The following TMPRSS11B variants were observed in gnomAD, a reference collection of about 807,000 sequenced individuals.
The protein encoded by TMPRSS11B is transmembrane serine protease 11B.
TMPRSS11B carries 53 observed loss-of-function variants against 44.7 expected under a neutral mutation model. The observed-to-expected ratio is 1.19, with a 90% confidence interval of 0.95 to 1.49. The LOEUF is 1.49. Among genes scored for constraint, TMPRSS11B ranks in the 40% most tolerant of loss-of-function variants. The pLI is 0.00. For synonymous variants in TMPRSS11B, 140 were observed against 159.2 expected, an observed-to-expected ratio of 0.88 and a Z score of 0.91; for missense variants, 526 against 494.8, an observed-to-expected ratio of 1.06 and a Z score of -0.60.
In TMPRSS11B at chr4:68,236,928, A is replaced by C. The variant is rs929467441; in HGVS notation, c.125-662T>G. Among the ~76,000 whole-genome samples the C allele has an allele frequency of 1.0e-3, 154 of 148,738 alleles. 1 individual carries two copies. The highest frequency in any genetic ancestry group is 3.6e-3 in the African/African-American group (145 of 40,584). On this transcript the variant is annotated intron_variant, in intron 2 of 9. Transcript: ENST00000332644. The stretch of plus-strand genomic sequence containing the variant: ...ACACCATGGTGCCATTATTATTATT[A>C]TTATTATTATTATTATTATTATTAT...
chr4:68,244,370 A>T (rs9994398), intron 1 of TMPRSS11B, among the ~76,000 whole-genome samples: 3,104 of 152,302 alleles, frequency 0.02, 99 homozygotes, highest in African/African-American at 0.07. Flanking sequence ...CATGCCTGTA[A>T]TCCCAGCACT....
rs1166044694 is a variant in TMPRSS11B at position 68,227,687 on chromosome 4, A to T, written c.*224T>A. 1 of 191,682 alleles carries T rather than the reference A, an allele frequency of 5.2e-6. No homozygotes were observed. The highest frequency in any genetic ancestry group is 1.0e-5 in the Non-Finnish European group (1 of 98,532). 11.9% of individuals were successfully genotyped at this position (191,682 alleles called of 1,614,324 possible). On this transcript the variant is annotated 3_prime_UTR_variant, in exon 10 of 10. Transcript: ENST00000332644. The stretch of plus-strand genomic sequence containing the variant: ...CTCTCAAAGTGCTAGGATTACAGGC[A>T]TGAGCCACTACACCTGGCCTCTTCC...
chr4:68,242,362 TTATATATAATATTA>T (rs1454380531), intron 1 of TMPRSS11B, among the ~76,000 whole-genome samples: 1,309 of 23,830 alleles, frequency 0.055, 25 homozygotes, highest in Non-Finnish European at 0.093. Context: ...TAATATTATA[TTATATATAATATTA>T]TATATATAAT....
intron 8 of TMPRSS11B, 48 bp from the exon 9 acceptor site, chr4:68,228,932 G>C: frequency 6.3e-7 from 1 of 1,578,928 alleles, no homozygotes; most frequent in Non-Finnish European, 8.6e-7. Context: ...GACTTTGCTG[G>C]GACAAAGAAT....
At chr4:68,244,482 C>G (rs544842490) in intron 1 of TMPRSS11B, among the ~76,000 whole-genome samples, 1 of 152,120 alleles carries the variant, frequency 6.6e-6, no homozygotes, top group Admixed American at 6.6e-5. Context: ...AAAAATCAGC[C>G]GGGTGTGGTG....
At chr4:68,230,090 A>T (rs1218633855) in intron 7 of TMPRSS11B, among the ~76,000 whole-genome samples, 2 of 152,188 alleles carry the variant, frequency 1.3e-5, no homozygotes, top group African/African-American at 4.8e-5. Context: ...TGCAAAGGCC[A>T]TGATTTTATT....
rs1417435870 is a variant in TMPRSS11B at position 68,227,186 on chromosome 4, A to G, written c.*725T>C. 2 of 152,180 alleles carry G rather than the reference A, an allele frequency of 1.3e-5. No individual in the cohort carries two copies. 9.4% of individuals were successfully genotyped at this position (152,180 alleles called of 1,614,324 possible). A position where few individuals can be genotyped will look rare whatever the true frequency, so the allele number is the denominator to read the frequency against. On this transcript the variant is annotated 3_prime_UTR_variant, in exon 10 of 10. Coordinates refer to ENST00000332644, the MANE Select transcript of TMPRSS11B (RefSeq NM_182502.3). ...GTTAAAAAGTAATGTACACTTTCGCACTTATTCCAGTTAATAAAATGAAAT... is the reference window on the plus strand; with the variant it reads ...GTTAAAAAGTAATGTACACTTTCGCGCTTATTCCAGTTAATAAAATGAAAT...
At chr4:68,229,557 G>A in intron 7 of TMPRSS11B, 41 bp from the exon 8 acceptor site, 1 of 1,570,478 alleles carries the variant, frequency 6.4e-7, no homozygotes, top group Non-Finnish European at 8.7e-7. Context: ...CAGTTGCTGG[G>A]TCACAACACT....
At chr4:68,232,273 G>A (rs1046912616) in intron 6 of TMPRSS11B, 105 bp downstream of exon 6, 3 of 1,102,866 alleles carry the variant, frequency 2.7e-6, no homozygotes, top group African/African-American at 3.2e-5. Context: ...CGGAAAGCGT[G>A]TTATGGGATT....
At chr4:68,233,558 T>TATATATATA (rs1719579207) in intron 5 of TMPRSS11B, among the ~76,000 whole-genome samples, 1 of 152,134 alleles carries the variant, frequency 6.6e-6, no homozygotes, top group Admixed American at 6.5e-5. Context: ...ACTCTCTTTC[T>TATATATATA]GTGTCCCATA....
intron 2 of TMPRSS11B, among the ~76,000 whole-genome samples, chr4:68,238,349 G>A (rs1719730680): frequency 6.6e-6 from 1 of 152,092 alleles, no homozygotes; most frequent in African/African-American, 2.4e-5. Flanking sequence ...GAAGCTAGAG[G>A]AGCTAGTTCC....
At chr4:68,242,937 T>G (rs1719900305) in intron 1 of TMPRSS11B, among the ~76,000 whole-genome samples, 1 of 152,208 alleles carries the variant, frequency 6.6e-6, no homozygotes, top group Admixed American at 6.5e-5. Flanking sequence ...CAGTTAGTTG[T>G]TTTATCATCA....
rs1461152098 is a variant in TMPRSS11B, at chr4:68,242,329, T to TATATTATA, written c.9-526_9-525insTATAATAT. On this transcript the variant is annotated intron_variant, in intron 1 of 9. Coordinates refer to ENST00000332644, the MANE Select transcript of TMPRSS11B (RefSeq NM_182502.3). ...TATATATAATATTATATATATAATA[T>TATATTATA]TATATTATATATATATTATATATAA... 5.5e-3 allele frequency among the ~76,000 whole-genome samples: 50 copies of TATATTATA among 9,062 alleles called. 1 individual carries two copies. Among genetic ancestry groups the TATATTATA allele is most frequent in the African/African-American group, 0.013 (48 of 3,690 alleles). 5.9% of individuals were successfully genotyped at this position (9,062 alleles called of 152,430 possible).
At position 68,228,025 on chromosome 4, in the gene TMPRSS11B, C is replaced by A. The variant is rs948955356; in HGVS notation, c.1137G>T (p.Trp379Cys). 1.2e-6 allele frequency: 2 copies of A among 1,613,406 alleles called. No homozygotes were observed. Among genetic ancestry groups the A allele is most frequent in the African/African-American group, 2.7e-5 (2 of 74,844 alleles). Residue 379 changes from tryptophan (W) to cysteine (C), a missense_variant, in exon 10 of 10, where the codon TGG becomes TGT. Coordinates refer to ENST00000332644, the MANE Select transcript of TMPRSS11B (RefSeq NM_182502.3). Reference sequence around the variant, plus strand: ...CCCAGCTTACTATTCCAACAAGATGCCAGATATTTCTGGAATCAGGGTAAG... The same window carrying A: ...CCCAGCTTACTATTCCAACAAGATGACAGATATTTCTGGAATCAGGGTAAG... ...PLAYPDSRNI[W>C]HLVGIVSWGD...
intron 2 of TMPRSS11B, among the ~76,000 whole-genome samples, chr4:68,241,487 C>A (rs188996717): frequency 6.6e-6 from 1 of 151,932 alleles, no homozygotes; most frequent in Admixed American, 6.6e-5. Flanking sequence ...GCTCATACCC[C>A]CATAGTTAGT....
intron 1 of TMPRSS11B, among the ~76,000 whole-genome samples, chr4:68,242,160 G>T (rs1719841819): frequency 8.1e-6 from 1 of 123,904 alleles, no homozygotes; most frequent in Non-Finnish European, 1.6e-5. Flanking sequence ...ATCATGCACA[G>T]GGACATATAA....
At chr4:68,242,338 A>ATATTATAT (rs1553896883) in intron 1 of TMPRSS11B, among the ~76,000 whole-genome samples, 2 of 50,930 alleles carry the variant, frequency 3.9e-5, no homozygotes, top group African/African-American at 8.6e-5. Flanking sequence ...ATTATATTAT[A>ATATTATAT]TATATATTAT....
intron 1 of TMPRSS11B, among the ~76,000 whole-genome samples, chr4:68,244,792 A>G (rs923795497): frequency 1.8e-4 from 27 of 152,214 alleles, no homozygotes; most frequent in Admixed American, 3.9e-4. Flanking sequence ...AAAAATATAT[A>G]ATTTTCATGT....
intron 9 of TMPRSS11B, 82 bp downstream of exon 9, chr4:68,228,660 A>G (rs1307166099): frequency 6.9e-7 from 1 of 1,441,684 alleles, no homozygotes; most frequent in Non-Finnish European, 9.4e-7. Flanking sequence ...CAGTATTATT[A>G]ACACAAAAAA....
Sources: gnomAD v4.1 joint callset for allele counts (sites outside exome capture counted in the v4.1 genomes callset) on GRCh38, gnomAD v4.1.1 for gene constraint, MANE v1.5 for transcripts, NCBI Gene and HGNC (gene_info 2026-07-23, HGNC 2026-07-21) for gene names.